Variants in NUP214 observed in about 807,000 individuals in gnomAD.
The protein encoded by NUP214 is nuclear pore complex protein Nup214.
NUP214 carries 79 observed loss-of-function variants against 196.2 expected under a neutral mutation model. The ratio of observed to expected loss-of-function variants is 0.40; its 90% confidence interval spans 0.34 to 0.49. The LOEUF is 0.49. NUP214 is among the 20% of genes least tolerant of loss of function. The probability of loss-of-function intolerance (pLI) is 0.58; values close to 1 mark genes in which losing one functional copy is unlikely to be tolerated. For missense variants in NUP214, 2,468 were observed against 2,539.0 expected (o/e 0.97, Z 0.60); for synonymous variants, 1,020 against 990.5 (o/e 1.03, Z -0.56).
chr9:131,127,239 T>A, intron 1 of NUP214: 1 of 216,122 alleles, frequency 4.6e-6, no homozygotes, highest in Non-Finnish European at 9.2e-6. Flanking sequence ...AAAAATTAGA[T>A]GGCCATGGTG....
At chr9:131,145,588 C>T (rs1347859695) in intron 12 of NUP214, among the ~76,000 whole-genome samples, 1 of 152,186 alleles carries the variant, frequency 6.6e-6, no homozygotes, top group African/African-American at 2.4e-5. Context: ...GTTTATCTGA[C>T]CAGTCATCTA....
At chr9:131,229,623 A>G (rs1348175925) in intron 33 of NUP214, 1 of 457,000 alleles carries the variant, frequency 2.2e-6, no homozygotes, top group South Asian at 1.6e-5. Context: ...ATGCCAGGTC[A>G]GTTATTAAAT....
At chr9:131,170,478 T>C (rs2133575722) in intron 21 of NUP214, among the ~76,000 whole-genome samples, 1 of 152,328 alleles carries the variant, frequency 6.6e-6, no homozygotes, top group Non-Finnish European at 1.5e-5. Flanking sequence ...TATTTGGGTG[T>C]TCTTTAATTT....
intron 12 of NUP214, 38 bp downstream of exon 12, chr9:131,144,792 G>A: frequency 7.0e-7 from 1 of 1,430,254 alleles, no homozygotes; most frequent in Non-Finnish European, 9.6e-7. Context: ...CTGTGAGTTG[G>A]GTAGAAATAT....
At chr9:131,168,895 G>A (rs977431189) in intron 21 of NUP214, among the ~76,000 whole-genome samples, 4 of 152,032 alleles carry the variant, frequency 2.6e-5, no homozygotes, top group African/African-American at 9.7e-5. Context: ...ATGTATGTTT[G>A]TTGGTCTCAT....
At position 131,189,247 on chromosome 9, in the gene NUP214, C is replaced by G. The variant is rs928589098; in HGVS notation, c.3574+116C>G. The G allele has an allele frequency of 2.1e-5, 17 of 827,880 alleles. No homozygotes were observed. The African/African-American group carries it at 2.5e-4, about 12-fold the overall frequency. The allele number at this position is 827,880 out of a possible 1,614,324, so 51.3% of individuals were successfully genotyped here. A position where few individuals can be genotyped will look rare whatever the true frequency, so the allele number is the denominator to read the frequency against. On this transcript the variant is annotated intron_variant, in intron 26 of 35. Coordinates refer to ENST00000359428, the MANE Select transcript of NUP214 (RefSeq NM_005085.4). ...AAACAGGAGTCACATTTGATGAGATCGGGAGCATTCAGGGTAGTATGACCA... is the reference window on the plus strand; with the variant it reads ...AAACAGGAGTCACATTTGATGAGATGGGGAGCATTCAGGGTAGTATGACCA...
rs1834899307 is a variant in NUP214, at chr9:131,232,209, G to GACACTTAGC, written c.6215-73_6215-65dup. The GACACTTAGC allele has an allele frequency of 1.3e-6, 2 of 1,521,878 alleles. No individual in the cohort carries two copies. The highest frequency in any genetic ancestry group is 1.8e-6 in the Non-Finnish European group (2 of 1,095,860). The allele number at this position is 1,521,878 out of a possible 1,614,324, so 94.3% of individuals were successfully genotyped here. A position where few individuals can be genotyped will look rare whatever the true frequency, so the allele number is the denominator to read the frequency against. ...CCCACAAGAAGCACAGAGGAGGGCA[G>GACACTTAGC]ACACTTAGCATGGGGACCACCTTTG... is the stretch of plus-strand genomic sequence containing the variant. On this transcript the variant is annotated intron_variant, in intron 34 of 35. Coordinates refer to ENST00000359428, the MANE Select transcript of NUP214 (RefSeq NM_005085.4). The surrounding 1 kb of genome is among the most constrained non-coding windows in gnomAD (Gnocchi z 5.1).
rs913257799 is a variant in NUP214, at chr9:131,198,177, A to T, written c.4683A>T (p.Val1561=). ...CTGCAGCATCTAGTACTAGTCTTGT[A>T]GCACTTTCTGCAGAGGCTACCCCAG... The part of the protein sequence containing the change: ...SGTAASSTSL[V]ALSAEATPAT... Residue 1561 remains valine, a synonymous_variant, in exon 29 of 36, where the codon GTA becomes GTT. Coordinates refer to ENST00000359428, the MANE Select transcript of NUP214 (RefSeq NM_005085.4). 6.2e-7 allele frequency: 1 copy of T among 1,614,234 alleles called. No individual in the cohort carries two copies. Among genetic ancestry groups the T allele is most frequent in the Non-Finnish European group, 8.5e-7 (1 of 1,180,042 alleles).
intron 31 of NUP214, among the ~76,000 whole-genome samples, chr9:131,217,831 A>G (rs1334290896): frequency 1.3e-5 from 2 of 152,220 alleles, no homozygotes; most frequent in Admixed American, 6.5e-5. Context: ...CTTGACTGTC[A>G]AGGAGTTGCC....
At chr9:131,215,427 G>A in intron 31 of NUP214, 59 bp downstream of exon 31, 2 of 1,390,718 alleles carry the variant, frequency 1.4e-6, no homozygotes, top group South Asian at 1.8e-5. Flanking sequence ...TCATTCTTAG[G>A]GTGTTATCAA....
intron 35 of NUP214, 136 bp from the exon 36 acceptor site, chr9:131,233,318 A>G (rs1834929212): frequency 1.3e-6 from 1 of 796,670 alleles, no homozygotes; most frequent in Admixed American, 3.3e-5. Context: ...CCTGGGCAAT[A>G]GAGTGAGACT....
intron 30 of NUP214, among the ~76,000 whole-genome samples, chr9:131,202,899 G>A (rs1395055891): frequency 6.6e-6 from 1 of 151,332 alleles, no homozygotes; most frequent in African/African-American, 2.4e-5. Context: ...TATGTGCCAG[G>A]CATAATTTTA....
At chr9:131,151,975 T>G (rs968242991) in intron 17 of NUP214, 81 bp downstream of exon 17, 1 of 1,103,036 alleles carries the variant, frequency 9.1e-7, no homozygotes, top group Non-Finnish European at 1.3e-6. Flanking sequence ...GCATATAGAT[T>G]TGGATGATGG....
intron 21 of NUP214, among the ~76,000 whole-genome samples, chr9:131,169,368 C>T (rs1336892940): frequency 6.6e-6 from 1 of 152,016 alleles, no homozygotes; most frequent in African/African-American, 2.4e-5. Context: ...AATTGCAAGG[C>T]AAGGTGGTGC....
chr9:131,230,373 A>G (rs997757223), intron 33 of NUP214: 13 of 482,492 alleles, frequency 2.7e-5, no homozygotes, highest in Non-Finnish European at 4.5e-5. Flanking sequence ...TGGTGTTCCA[A>G]TGGGGGATGG....
At chr9:131,216,083 A>G (rs991043600) in intron 31 of NUP214, among the ~76,000 whole-genome samples, 1 of 151,276 alleles carries the variant, frequency 6.6e-6, no homozygotes, top group Non-Finnish European at 1.5e-5. Flanking sequence ...TTATATTTTT[A>G]GTAGAGACAG....
intron 26 of NUP214, chr9:131,191,902 G>A (rs1588156358): frequency 4.8e-6 from 1 of 206,998 alleles, no homozygotes; most frequent in East Asian, 1.0e-4. Flanking sequence ...ATATAAGAGT[G>A]TACTTTTAAA....
chr9:131,139,243 C>G, intron 9 of NUP214, 38 bp from the exon 10 acceptor site: 2 of 1,390,878 alleles, frequency 1.4e-6, no homozygotes, highest in Non-Finnish European at 9.3e-7. Flanking sequence ...TTTCTTTTTT[C>G]TTCTTCTTCT....
chr9:131,161,243 A>G (rs1025583932), intron 18 of NUP214, among the ~76,000 whole-genome samples: 16 of 146,856 alleles, frequency 1.1e-4, no homozygotes, highest in African/African-American at 4.0e-4. Context: ...TATTACCTTG[A>G]ACCCTATTGA....
Sources: gnomAD v4.1 joint callset for allele counts (sites outside exome capture counted in the v4.1 genomes callset) on GRCh38, gnomAD v4.1.1 for gene constraint, Gnocchi (gnomAD v3.1) non-coding constraint, MANE v1.5 for transcripts, NCBI Gene and HGNC (gene_info 2026-07-23, HGNC 2026-07-21) for gene names.